The following COL19A1 variants were observed in gnomAD, a reference collection of about 807,000 sequenced individuals.
The protein encoded by COL19A1 is collagen alpha-1(XIX) chain.
Under a neutral mutation model 190.2 loss-of-function variants are expected in COL19A1, and 159 were observed. That is an observed-to-expected ratio of 0.84 (90% CI 0.73 to 0.95). The LOEUF (loss-of-function observed/expected upper bound fraction) is 0.95. Among genes scored for constraint, COL19A1 ranks in the 40% least tolerant of loss-of-function variants. COL19A1 has a pLI of 0.00. For missense variants in COL19A1, 1,418 were observed against 1,431.9 expected (o/e 0.99, Z 0.16); for synonymous variants, 509 against 458.9 (o/e 1.11, Z -1.39).
chr6:69,914,297 C>T (rs1259429261), intron 4 of COL19A1, among the ~76,000 whole-genome samples: 1 of 152,170 alleles, frequency 6.6e-6, no homozygotes, highest in African/African-American at 2.4e-5. Context: ...GGGAGGAAGG[C>T]ATTTCAGACA....
chr6:70,134,061 C>A (rs1785681107), intron 18 of COL19A1, among the ~76,000 whole-genome samples: 1 of 152,172 alleles, frequency 6.6e-6, no homozygotes, highest in South Asian at 2.1e-4. Flanking sequence ...TCCTTCTCAG[C>A]TTTCTACTTT....
At chr6:69,992,166 A>G (rs1474740913) in intron 11 of COL19A1, among the ~76,000 whole-genome samples, 1 of 152,102 alleles carries the variant, frequency 6.6e-6, no homozygotes, top group East Asian at 1.9e-4. Context: ...TCCTTTCCCC[A>G]TTGCTTGTTT....
At chr6:69,942,175 T>A (rs1376616777) in intron 9 of COL19A1, among the ~76,000 whole-genome samples, 1 of 152,176 alleles carries the variant, frequency 6.6e-6, no homozygotes, top group Non-Finnish European at 1.5e-5. Flanking sequence ...AACTTCCACA[T>A]CTCTTTCAAA....
At chr6:70,140,240 C>A (rs1359796502) in intron 19 of COL19A1, among the ~76,000 whole-genome samples, 1 of 151,882 alleles carries the variant, frequency 6.6e-6, no homozygotes, top group African/African-American at 2.4e-5. Flanking sequence ...TTGCATATCA[C>A]CTATGCATTC....
intron 34 of COL19A1, among the ~76,000 whole-genome samples, chr6:70,158,082 C>A (rs1787553688): frequency 6.6e-6 from 1 of 152,080 alleles, no homozygotes; most frequent in South Asian, 2.1e-4. Context: ...GGAGTTCCAG[C>A]AAGTTCAGGA....
chr6:69,906,102 AAC>A (rs1353228735), intron 4 of COL19A1, among the ~76,000 whole-genome samples: 1 of 152,228 alleles, frequency 6.6e-6, no homozygotes, highest in Non-Finnish European at 1.5e-5. Flanking sequence ...AACACACACA[AAC>A]ACACATACTA....
chr6:70,041,604 A>G (rs1489528006), intron 14 of COL19A1, among the ~76,000 whole-genome samples: 1 of 152,218 alleles, frequency 6.6e-6, no homozygotes, highest in Admixed American at 6.5e-5. Context: ...AAATTGTCCA[A>G]GGTTCACAGA....
chr6:69,866,605 C>T lies in COL19A1; in HGVS notation c.-68C>T, dbSNP rs1767453762. The T allele has an allele frequency of 6.6e-6, 1 of 152,346 alleles. No individual in the cohort carries two copies. The highest frequency in any genetic ancestry group is 2.1e-4 in the South Asian group (1 of 4,830). The allele number at this position is 152,346 out of a possible 1,614,324, so 9.4% of individuals were successfully genotyped here. A position where few individuals can be genotyped will look rare whatever the true frequency, so the allele number is the denominator to read the frequency against. On this transcript the variant is annotated 5_prime_UTR_variant, in exon 1 of 51. Transcript: ENST00000620364. ...CGGTGCCGCAGCCCTGTCCGGACTC[C>T]ACTGCGCCTCTGAGGGGCTCAAATA...
At chr6:70,107,763 T>A (rs555895166) in intron 16 of COL19A1, among the ~76,000 whole-genome samples, 8 of 152,302 alleles carry the variant, frequency 5.3e-5, no homozygotes, top group African/African-American at 1.9e-4. Flanking sequence ...CCCAATTAGG[T>A]AACAATAACA....
intron 15 of COL19A1, among the ~76,000 whole-genome samples, chr6:70,075,878 GC>G (rs1273417960): frequency 2.6e-5 from 4 of 152,210 alleles, no homozygotes; most frequent in Non-Finnish European, 5.9e-5. Flanking sequence ...TAAATGAAGA[GC>G]TGAATGACAT....
chr6:70,019,352 T>C (rs1248146949), intron 11 of COL19A1, among the ~76,000 whole-genome samples: 5 of 152,124 alleles, frequency 3.3e-5, no homozygotes, highest in Non-Finnish European at 1.5e-5. Flanking sequence ...AGCTACTATA[T>C]TATTGCTATT....
intron 12 of COL19A1, among the ~76,000 whole-genome samples, chr6:70,028,692 T>C (rs1239547538): frequency 1.3e-5 from 2 of 152,082 alleles, no homozygotes; most frequent in Non-Finnish European, 2.9e-5. Context: ...TTCTAAGGCT[T>C]TTCAATTCCT....
chr6:69,913,118 C>A (rs998958216), intron 4 of COL19A1, among the ~76,000 whole-genome samples: 1 of 151,960 alleles, frequency 6.6e-6, no homozygotes, highest in Non-Finnish European at 1.5e-5. Context: ...AGTATGAATA[C>A]GAGGCAATTC....
chr6:70,188,332 A>G, intron 47 of COL19A1, 87 bp downstream of exon 47: 1 of 1,427,622 alleles, frequency 7.0e-7, no homozygotes, highest in African/African-American at 1.4e-5. Flanking sequence ...CTGCCTTTCA[A>G]ATAAATAAAA....
intron 15 of COL19A1, among the ~76,000 whole-genome samples, chr6:70,095,631 A>G (rs955010103): frequency 6.6e-6 from 1 of 152,240 alleles, no homozygotes; most frequent in Non-Finnish European, 1.5e-5. Flanking sequence ...ACAGATCTCC[A>G]GAACATTTTC....
chr6:70,045,350 T>G (rs1196705114), intron 14 of COL19A1, among the ~76,000 whole-genome samples: 1 of 151,586 alleles, frequency 6.6e-6, no homozygotes, highest in African/African-American at 2.4e-5. Flanking sequence ...CTCCGATCAT[T>G]CTGTCATCTG....
chr6:70,098,589 A>G, intron 15 of COL19A1: 1 of 423,838 alleles, frequency 2.4e-6, no homozygotes, highest in Non-Finnish European at 4.6e-6. Flanking sequence ...CCACAGGATG[A>G]CTTCTGAAGG....
intron 49 of COL19A1, among the ~76,000 whole-genome samples, chr6:70,201,191 CAGT>C (rs1767527837): frequency 6.6e-6 from 1 of 152,168 alleles, no homozygotes; most frequent in East Asian, 1.9e-4. Flanking sequence ...ATCCTTCAAA[CAGT>C]GGTGGTTTGA....
intron 9 of COL19A1, among the ~76,000 whole-genome samples, chr6:69,951,571 C>A (rs1285894684): frequency 6.6e-6 from 1 of 151,776 alleles, no homozygotes; most frequent in African/African-American, 2.4e-5. Flanking sequence ...CTTATGTAAC[C>A]TTGACCTCTT....
Sources: gnomAD v4.1 joint callset for allele counts (sites outside exome capture counted in the v4.1 genomes callset) on GRCh38, gnomAD v4.1.1 for gene constraint, MANE v1.5 for transcripts, NCBI Gene and HGNC (gene_info 2026-07-23, HGNC 2026-07-21) for gene names.